The following ZNF600 variants were observed in gnomAD, a reference collection of about 807,000 sequenced individuals.
The protein encoded by ZNF600 is zinc finger protein 600, also known as zinc finger protein KR-ZNF1.
In ZNF600, 4 loss-of-function variants were observed where a neutral mutation model predicts 7.3. The observed-to-expected ratio is 0.55, with a 90% confidence interval of 0.27 to 1.25. The LOEUF is 1.25. Among genes scored for constraint, ZNF600 ranks in the 50% most tolerant of loss-of-function variants. ZNF600 has a pLI of 0.12. For missense variants in ZNF600, 911 were observed against 922.1 expected (o/e 0.99, Z 0.16); for synonymous variants, 290 against 308.9 (o/e 0.94, Z 0.64).
the ZNF600 span, chr19:52,801,093 A>G: frequency 6.2e-7 from 1 of 1,614,144 alleles, no homozygotes; most frequent in South Asian, 1.1e-5. Flanking sequence ...CTGATTAAAT[A>G]CCTTGCCATA....
At chr19:52,791,631 G>A (rs1368337301), upstream of ZNF600, among the ~76,000 whole-genome samples, 1 of 151,848 alleles carries the variant, frequency 6.6e-6, no homozygotes, top group African/African-American at 2.4e-5. Context: ...CTCCCTTCCT[G>A]TGACAAAAAC....
chr19:52,788,975 C>T (rs1292720276), upstream of ZNF600, among the ~76,000 whole-genome samples: 1 of 152,172 alleles, frequency 6.6e-6, no homozygotes, highest in Non-Finnish European at 1.5e-5. Context: ...TGGCTCTGCT[C>T]TCCGCTTGGG....
At chr19:52,781,890 A>G (rs2904229) in intron 1 of ZNF600, among the ~76,000 whole-genome samples, 40,239 of 151,866 alleles carry the variant, frequency 0.26, 7,222 homozygotes, top group African/African-American at 0.51. Flanking sequence ...GCAACATCCC[A>G]TCTCTACTAA....
At chr19:52,767,795 G>A (rs750210593) in intron 3 of ZNF600, 23 bp from the exon 6 acceptor site, 5 of 1,531,668 alleles carry the variant, frequency 3.3e-6, no homozygotes, top group Non-Finnish European at 4.4e-6. Flanking sequence ...AACAACAATA[G>A]GTTTCCAATT....
chr19:52,832,755 G>A, the ZNF600 span, among the ~76,000 whole-genome samples: 16 of 152,012 alleles, frequency 1.1e-4, no homozygotes, highest in Non-Finnish European at 8.8e-5. Context: ...GCTACAGAGC[G>A]ACATTTTCTC....
At chr19:52,832,754 C>T in the ZNF600 span, among the ~76,000 whole-genome samples, 7 of 151,966 alleles carry the variant, frequency 4.6e-5, no homozygotes, top group South Asian at 2.1e-4. Flanking sequence ...AGCTACAGAG[C>T]GACATTTTCT....
the ZNF600 span, chr19:52,810,787 A>C: frequency 2.1e-6 from 1 of 486,828 alleles, no homozygotes; most frequent in Non-Finnish European, 3.7e-6. Context: ...ACCCAAAAAA[A>C]ACAGAAGATG....
exon 4 of ZNF600, chr19:52,766,237 A>G: frequency 6.2e-7 from 1 of 1,614,196 alleles, no homozygotes; most frequent in Non-Finnish European, 8.5e-7. Context: ...CTCAGACGGA[A>G]GGTCTTGCTG....
chr19:52,817,978 C>T, the ZNF600 span: 8 of 1,610,700 alleles, frequency 5.0e-6, 1 homozygote, highest in South Asian at 3.3e-5. Context: ...CTTTGCTTTC[C>T]TCTTCCTCTT....
At chr19:52,822,808 G>T in the ZNF600 span, among the ~76,000 whole-genome samples, 7 of 152,168 alleles carry the variant, frequency 4.6e-5, no homozygotes, top group Non-Finnish European at 4.4e-5. Context: ...GCCGTCTCTA[G>T]TGAGGCTGCT....
At chr19:52,810,398 C>T in the ZNF600 span, 1 of 1,604,962 alleles carries the variant, frequency 6.2e-7, no homozygotes, top group Non-Finnish European at 8.5e-7. Context: ...ACCACGTTAC[C>T]ATACTCTGTG....
At position 52,765,964 on chromosome 19, in the gene ZNF600, C is replaced by A. The variant is rs183731629; in HGVS notation, c.1999G>T (p.Ala667Ser). The A allele has an allele frequency of 1.0e-4, 163 of 1,614,072 alleles. 1 individual carries two copies. The Admixed American group carries it at 2.3e-3, about 23-fold the overall frequency. The change falls in exon 4 of 4, where the codon GCA becomes TCA. Residue 667 changes from alanine (A) to serine (S), a missense_variant. Transcript: ENST00000648973. Reference sequence around the variant, plus strand: ...GCAGTGTGAATTCTGGTATGTCTTGCCAGGTATGAATTACGCACGAAAGCC... The same window carrying A: ...GCAGTGTGAATTCTGGTATGTCTTGACAGGTATGAATTACGCACGAAAGCC...
chr19:52,820,666 A>C, the ZNF600 span, among the ~76,000 whole-genome samples: 1 of 104,506 alleles, frequency 9.6e-6, no homozygotes, highest in Non-Finnish European at 2.3e-5. Context: ...CCTCTCCCTC[A>C]CTCTGATGAG....
exon 4 of ZNF600, chr19:52,767,198 T>C (rs1267523799): frequency 1.9e-6 from 3 of 1,614,184 alleles, no homozygotes; most frequent in Non-Finnish European, 2.5e-6. Flanking sequence ...ATTGTTTGTC[T>C]CCTAAATGGG....
At chr19:52,775,264 A>T (rs1355837936) in intron 2 of ZNF600, among the ~76,000 whole-genome samples, 1 of 151,610 alleles carries the variant, frequency 6.6e-6, no homozygotes, top group African/African-American at 2.4e-5. Flanking sequence ...AACAAAACAA[A>T]AAAACAATGC....
rs188481146 is a variant in ZNF600, at chr19:52,781,781, G to A, written c.-19-2874C>T. On this transcript the variant is annotated intron_variant, in intron 1 of 3. Coordinates refer to ENST00000648973, the Ensembl canonical transcript of ZNF600. ...CTATCTTAAAAAAAAAAAAAACAGC[G>A]GTCAGGCAAGGTGGCTCACACCTGT... is the stretch of plus-strand genomic sequence containing the variant. Among the ~76,000 whole-genome samples, 76 of 151,308 alleles carry A rather than the reference G, an allele frequency of 5.0e-4. 1 individual carries two copies. Among genetic ancestry groups the A allele is most frequent in the South Asian group, 3.8e-3 (18 of 4,778 alleles).
At chr19:52,801,355 C>G in the ZNF600 span, 3 of 1,614,154 alleles carry the variant, frequency 1.9e-6, no homozygotes, top group Non-Finnish European at 2.5e-6. Context: ...GACTTCTCAA[C>G]TTGATTACCA....
the ZNF600 span, chr19:52,810,232 G>A: frequency 3.4e-6 from 4 of 1,171,846 alleles, no homozygotes; most frequent in South Asian, 3.6e-5. Flanking sequence ...GAGAAGCAGA[G>A]GAATATGAGT....
the ZNF600 span, among the ~76,000 whole-genome samples, chr19:52,811,926 AGG>A: frequency 1.4e-5 from 1 of 69,536 alleles, no homozygotes; most frequent in Non-Finnish European, 2.8e-5. Context: ...CGCCCTATCC[AGG>A]AGGTGAGGGG....
Sources: allele counts gnomAD v4.1 joint callset (sites outside exome capture counted in the v4.1 genomes callset), GRCh38; gene constraint gnomAD v4.1.1; transcripts MANE v1.5; gene names NCBI Gene and HGNC (gene_info 2026-07-23, HGNC 2026-07-21).